Variants in IL1RAPL1 observed in about 807,000 individuals in gnomAD.
The protein encoded by IL1RAPL1 is interleukin-1 receptor accessory protein-like 1.
In IL1RAPL1, 3 loss-of-function variants were observed where a neutral mutation model predicts 48.4. The observed-to-expected ratio is 0.06, with a 90% CI of 0.03 to 0.16. IL1RAPL1 has a LOEUF of 0.16. IL1RAPL1 is among the 10% of genes least tolerant of loss of function. The probability of loss-of-function intolerance (pLI) is 1.00; values close to 1 mark genes in which losing one functional copy is unlikely to be tolerated. For missense variants in IL1RAPL1, 349 were observed against 530.6 expected, an observed-to-expected ratio of 0.66 and a Z score of 3.36; for synonymous variants, 185 against 187.7, an observed-to-expected ratio of 0.99 and a Z score of 0.12.
chrX:29,345,472 G>C (rs903311449), intron 3 of IL1RAPL1, among the ~76,000 whole-genome samples: 1 of 111,386 alleles, frequency 9.0e-6, no homozygotes, highest in Non-Finnish European at 1.9e-5. Context: ...CTCCATTTTT[G>C]TATTGGTTTG....
At chrX:28,707,890 C>G (rs1427522048) in intron 1 of IL1RAPL1, among the ~76,000 whole-genome samples, 1 of 112,085 alleles carries the variant, frequency 8.9e-6, no homozygotes, top group African/African-American at 3.2e-5. Context: ...TTTTGTAGCA[C>G]ATTTTTCATT....
chrX:28,773,365 C>T (rs1469823119), intron 1 of IL1RAPL1, among the ~76,000 whole-genome samples: 1 of 111,708 alleles, frequency 9.0e-6, no homozygotes, highest in Non-Finnish European at 1.9e-5. Context: ...GAGTCAGCCA[C>T]CATGCCTTGA....
chrX:29,800,028 A>G (rs1164447103), intron 6 of IL1RAPL1, among the ~76,000 whole-genome samples: 1 of 111,796 alleles, frequency 8.9e-6, no homozygotes, highest in East Asian at 2.8e-4. Flanking sequence ...TCTATCTACT[A>G]TCCCCACAGC....
intron 2 of IL1RAPL1, among the ~76,000 whole-genome samples, chrX:29,243,170 G>A (rs779345267): frequency 8.9e-6 from 1 of 112,416 alleles, no homozygotes; most frequent in South Asian, 3.7e-4. Context: ...TAAGAGCAGA[G>A]TATTGCAAAG....
intron 1 of IL1RAPL1, among the ~76,000 whole-genome samples, chrX:28,652,457 A>G (rs1000719500): frequency 4.5e-5 from 5 of 111,769 alleles, no homozygotes; most frequent in Non-Finnish European, 7.5e-5. Context: ...CTACCCTCAT[A>G]CAATCGATAA....
intron 2 of IL1RAPL1, among the ~76,000 whole-genome samples, chrX:29,044,297 G>T (rs1315897726): frequency 1.8e-5 from 2 of 110,367 alleles, no homozygotes; most frequent in African/African-American, 6.6e-5. Flanking sequence ...GAGTATGGTT[G>T]CAGGTGCCTA....
intron 6 of IL1RAPL1, among the ~76,000 whole-genome samples, chrX:29,703,811 C>T (rs1927119062): frequency 8.9e-6 from 1 of 111,980 alleles, no homozygotes; most frequent in Non-Finnish European, 1.9e-5. Context: ...AACTCTAAAT[C>T]TTGAGGGTCA....
At chrX:28,800,870 T>TATTC (rs1004265587) in intron 2 of IL1RAPL1, among the ~76,000 whole-genome samples, 2 of 105,159 alleles carry the variant, frequency 1.9e-5, no homozygotes, top group Non-Finnish European at 3.9e-5. Flanking sequence ...TTTATTTATT[T>TATTC]ATTTATTTAT....
intron 2 of IL1RAPL1, among the ~76,000 whole-genome samples, chrX:28,873,523 C>CTTTTTTTTTAT (rs1922267222): frequency 1.8e-5 from 1 of 56,679 alleles, no homozygotes; most frequent in African/African-American, 8.1e-5. Flanking sequence ...TTCTTTCTTT[C>CTTTTTTTTTAT]TTTTTTTTTT....
chrX:29,077,596 C>T (rs1271057182), intron 2 of IL1RAPL1, among the ~76,000 whole-genome samples: 1 of 96,023 alleles, frequency 1.0e-5, no homozygotes, highest in African/African-American at 4.2e-5. Context: ...GAAAAAGACT[C>T]TGTCTCAAAA....
chrX:29,339,125 A>T (rs1377666441), intron 3 of IL1RAPL1, among the ~76,000 whole-genome samples: 1 of 92,597 alleles, frequency 1.1e-5, no homozygotes, highest in Admixed American at 1.1e-4. Context: ...CACACACTCA[A>T]ATATCACATG....
chrX:29,306,399 G>A (rs1292188458), intron 3 of IL1RAPL1, among the ~76,000 whole-genome samples: 1 of 106,818 alleles, frequency 9.4e-6, no homozygotes, highest in Non-Finnish European at 1.9e-5. Context: ...CATGGTGGTG[G>A]GTGCCTGTAA....
rs758395500 is a variant in IL1RAPL1, at chrX:28,833,344, A to G, written c.82+43919A>G. Among the ~76,000 whole-genome samples, 67 of 111,619 alleles carry G rather than the reference A, an allele frequency of 6.0e-4. 1 individual carries two copies. Among genetic ancestry groups the G allele is most frequent in the Middle Eastern group, 9.3e-3 (2 of 216 alleles). ...TTTTCTTTTGGGTATATACTCAGTA[A>G]TGAGATTGCTGGGTCAAGTGGTAGT... On this transcript the variant is annotated intron_variant, in intron 2 of 10. Coordinates refer to ENST00000378993, the MANE Select transcript of IL1RAPL1 (RefSeq NM_014271.4).
intron 6 of IL1RAPL1, among the ~76,000 whole-genome samples, chrX:29,869,840 C>CT (rs201199755): frequency 0.029 from 3,234 of 110,040 alleles, 136 homozygotes; most frequent in African/African-American, 0.1. Context: ...ATGGGGTTCT[C>CT]TGAGTACAGC....
chrX:29,296,612 C>A (rs1443440510), intron 3 of IL1RAPL1, among the ~76,000 whole-genome samples: 1 of 109,719 alleles, frequency 9.1e-6, no homozygotes, highest in Non-Finnish European at 1.9e-5. Flanking sequence ...TACCTACCCC[C>A]AGTACATACA....
chrX:29,465,274 C>T (rs1174376773), intron 5 of IL1RAPL1, among the ~76,000 whole-genome samples: 1 of 110,315 alleles, frequency 9.1e-6, no homozygotes, highest in Non-Finnish European at 1.9e-5. Context: ...GGCATGGTGA[C>T]ATGTGCCTAT....
chrX:29,477,467 C>A (rs1934990742), intron 5 of IL1RAPL1, among the ~76,000 whole-genome samples: 1 of 111,880 alleles, frequency 8.9e-6, no homozygotes, highest in African/African-American at 3.3e-5. Context: ...TCTATATCCT[C>A]GTAAGCACAC....
At chrX:29,035,777 G>C (rs184081080) in intron 2 of IL1RAPL1, among the ~76,000 whole-genome samples, 1 of 112,466 alleles carries the variant, frequency 8.9e-6, no homozygotes, top group Admixed American at 9.4e-5. Flanking sequence ...ACTGGAAAAT[G>C]ACTAATGAAT....
chrX:28,762,005 T>G (rs1017899316), intron 1 of IL1RAPL1, among the ~76,000 whole-genome samples: 2 of 111,599 alleles, frequency 1.8e-5, no homozygotes, highest in African/African-American at 6.5e-5. Flanking sequence ...GGTGTCAGAA[T>G]AGATGAGAAA....
Sources: gnomAD v4.1 joint callset for allele counts (sites outside exome capture counted in the v4.1 genomes callset) on GRCh38, gnomAD v4.1.1 for gene constraint, MANE v1.5 for transcripts, NCBI Gene and HGNC (gene_info 2026-07-23, HGNC 2026-07-21) for gene names.